Variants in PTGER3 observed in about 807,000 individuals in gnomAD.
PTGER3 encodes the protein prostaglandin E receptor 3.
PTGER3 carries 22 observed loss-of-function variants against 34.7 expected under a neutral mutation model. That is an observed-to-expected ratio of 0.63 (90% CI 0.45 to 0.91). The LOEUF (loss-of-function observed/expected upper bound fraction) is 0.91. Ranked by LOEUF, PTGER3 falls within the 40% of genes least tolerant of loss-of-function variation. The probability of loss-of-function intolerance (pLI) is 0.00; values close to 1 mark genes in which losing one functional copy is unlikely to be tolerated. For missense variants in PTGER3, 468 were observed against 519.4 expected (o/e 0.90, Z 0.96); for synonymous variants, 241 against 230.1 (o/e 1.05, Z -0.43).
At chr1:70,948,008 C>G (rs1449637999), downstream of PTGER3, among the ~76,000 whole-genome samples, 2 of 152,148 alleles carry the variant, frequency 1.3e-5, no homozygotes, top group Non-Finnish European at 2.9e-5. Flanking sequence ...TGGATTTCAT[C>G]ATGGCTTTTA....
intron 4 of PTGER3, among the ~76,000 whole-genome samples, chr1:70,933,552 T>A (rs924989411): frequency 3.3e-5 from 5 of 152,216 alleles, no homozygotes; most frequent in African/African-American, 9.6e-5. Flanking sequence ...ACAGAGATGA[T>A]CTCAGATTCA....
chr1:71,029,166 A>G (rs1343379828), intron 1 of PTGER3, among the ~76,000 whole-genome samples: 1 of 152,218 alleles, frequency 6.6e-6, no homozygotes, highest in Non-Finnish European at 1.5e-5. Flanking sequence ...TCTTATTCCT[A>G]TTCTAGTGTC....
At chr1:71,014,637 C>G (rs527597315) in intron 1 of PTGER3, among the ~76,000 whole-genome samples, 2 of 152,268 alleles carry the variant, frequency 1.3e-5, no homozygotes, top group East Asian at 3.9e-4. Context: ...ACAGGTCTCT[C>G]CTTCAGCCAT....
At chr1:71,003,703 T>C (rs765504939) in intron 2 of PTGER3, among the ~76,000 whole-genome samples, 11 of 152,242 alleles carry the variant, frequency 7.2e-5, no homozygotes, top group African/African-American at 2.4e-4. Flanking sequence ...TTTACTGTTA[T>C]GGACATATCG....
chr1:70,913,266 G>GT (rs1308524239), intron 4 of PTGER3, among the ~76,000 whole-genome samples: 1 of 151,678 alleles, frequency 6.6e-6, no homozygotes, highest in Non-Finnish European at 1.5e-5. Flanking sequence ...ATTATAAATG[G>GT]TATTGTCCTC....
chr1:70,917,463 T>G (rs1216101060), intron 4 of PTGER3, among the ~76,000 whole-genome samples: 1 of 138,000 alleles, frequency 7.2e-6, no homozygotes, highest in Non-Finnish European at 1.6e-5. Flanking sequence ...TTCCATAGAA[T>G]GGCATTTATG....
At chr1:70,871,924 T>G (rs900976430) in intron 4 of PTGER3, among the ~76,000 whole-genome samples, 5 of 152,190 alleles carry the variant, frequency 3.3e-5, no homozygotes, top group Admixed American at 1.3e-4. Flanking sequence ...ACATTCCATT[T>G]GAGAAGTCTA....
rs562897921 is a variant in PTGER3 at position 71,018,066 on chromosome 1, C to A, written c.898-5582G>T. Reference sequence around the variant, plus strand: ...AGGCGTGAGTCACCACCACCTGGCCCCAGGTAGTTCTTTACAGCAAGTCTC... The same window carrying A: ...AGGCGTGAGTCACCACCACCTGGCCACAGGTAGTTCTTTACAGCAAGTCTC... On this transcript the variant is annotated intron_variant, in intron 1 of 3. Coordinates refer to ENST00000306666, the MANE Select transcript of PTGER3 (RefSeq NM_198719.2). 2.5e-3 allele frequency among the ~76,000 whole-genome samples: 385 copies of A among 152,076 alleles called. 1 individual carries two copies. Among genetic ancestry groups the A allele is most frequent in the Admixed American group, 9.4e-3 (144 of 15,250 alleles).
At position 70,971,574 on chromosome 1, in the gene PTGER3, C is replaced by T; in HGVS notation, c.*156G>A. The T allele has an allele frequency of 4.6e-6, 6 of 1,300,754 alleles. No individual in the cohort carries two copies. The highest frequency in any genetic ancestry group is 5.9e-6 in the Non-Finnish European group (6 of 1,018,582). 80.6% of individuals were successfully genotyped at this position (1,300,754 alleles called of 1,614,324 possible). A position where few individuals can be genotyped will look rare whatever the true frequency, so the allele number is the denominator to read the frequency against. ...TGGATTATAATAATAAAGTTGATCT[C>T]CATGGGTATTACTGACAAAACAATC... On this transcript the variant is annotated 3_prime_UTR_variant, in exon 4 of 4. Transcript: ENST00000306666.
chr1:70,866,129 G>T (rs34124670), intron 4 of PTGER3, among the ~76,000 whole-genome samples: 2 of 152,016 alleles, frequency 1.3e-5, no homozygotes, highest in Non-Finnish European at 2.9e-5. Flanking sequence ...TTAATGCTTC[G>T]CTGTAAGCAC....
At chr1:70,984,202 C>T (rs563607869) in intron 2 of PTGER3, among the ~76,000 whole-genome samples, 9 of 152,014 alleles carry the variant, frequency 5.9e-5, no homozygotes, top group African/African-American at 1.9e-4. Context: ...GCCTGACCAA[C>T]GTGGTGAAAC....
intron 4 of PTGER3, among the ~76,000 whole-genome samples, chr1:70,947,163 G>A (rs945015299): frequency 1.3e-5 from 2 of 152,066 alleles, no homozygotes; most frequent in African/African-American, 2.4e-5. Context: ...TAACTTCTGT[G>A]GATATATCTA....
intron 2 of PTGER3, among the ~76,000 whole-genome samples, chr1:71,005,618 A>G (rs1656886802): frequency 1.3e-5 from 2 of 152,308 alleles, no homozygotes; most frequent in South Asian, 4.1e-4. Flanking sequence ...CTTAATAGGT[A>G]TGCAATAAAT....
At chr1:70,861,342 T>A (rs960189583) in intron 4 of PTGER3, among the ~76,000 whole-genome samples, 1 of 152,228 alleles carries the variant, frequency 6.6e-6, no homozygotes, top group East Asian at 1.9e-4. Flanking sequence ...CATTTCTAAC[T>A]TTCTAGTGTT....
At chr1:70,918,640 T>G (rs1647266870) in intron 4 of PTGER3, among the ~76,000 whole-genome samples, 1 of 152,068 alleles carries the variant, frequency 6.6e-6, no homozygotes, top group African/African-American at 2.4e-5. Flanking sequence ...TGTATGATCT[T>G]GAGCAAGCCT....
intron 4 of PTGER3, among the ~76,000 whole-genome samples, chr1:70,908,167 G>C (rs1319035518): frequency 6.6e-6 from 1 of 152,186 alleles, no homozygotes; most frequent in Non-Finnish European, 1.5e-5. Context: ...GGAATACATA[G>C]AGGCAAGGTG....
intron 4 of PTGER3, among the ~76,000 whole-genome samples, chr1:70,880,884 G>A (rs1043044089): frequency 1.4e-5 from 2 of 138,436 alleles, no homozygotes; most frequent in Non-Finnish European, 3.0e-5. Flanking sequence ...TATGTGTCTT[G>A]GGGATGGTTG....
At chr1:70,939,525 G>A (rs374054321) in intron 4 of PTGER3, among the ~76,000 whole-genome samples, 15 of 152,304 alleles carry the variant, frequency 9.8e-5, no homozygotes, top group East Asian at 7.7e-4. Flanking sequence ...TCAGGGCTCC[G>A]CCCCTGCAGC....
chr1:71,040,116 GAAAA>G (rs540790551), intron 1 of PTGER3, among the ~76,000 whole-genome samples: 1 of 119,040 alleles, frequency 8.4e-6, no homozygotes, highest in East Asian at 2.4e-4. Context: ...AAGAAAGAAA[GAAAA>G]AAAAGAAAGA....
Sources: gnomAD v4.1 joint callset for allele counts (sites outside exome capture counted in the v4.1 genomes callset) on GRCh38, gnomAD v4.1.1 for gene constraint, MANE v1.5 for transcripts, NCBI Gene and HGNC (gene_info 2026-07-23, HGNC 2026-07-21) for gene names.